Variants in P4HB observed in about 807,000 individuals in gnomAD.
P4HB encodes protein disulfide-isomerase.
P4HB carries 20 observed loss-of-function variants against 52.6 expected under a neutral mutation model. The ratio of observed to expected loss-of-function variants is 0.38; its 90% CI spans 0.27 to 0.55. P4HB has a LOEUF of 0.55. Among genes scored for constraint, P4HB ranks in the 20% least tolerant of loss-of-function variants. P4HB has a pLI of 0.74. For missense variants in P4HB, 601 were observed against 669.2 expected, an observed-to-expected ratio of 0.90 and a Z score of 1.12; for synonymous variants, 296 against 277.9, an observed-to-expected ratio of 1.07 and a Z score of -0.65.
chr17:81,847,248 C>G lies in P4HB; in HGVS notation c.724G>C (p.Glu242Gln). Residue 242 changes from glutamate to glutamine, a missense_variant, in exon 5 of 11, where the codon GAG (glutamate) becomes CAG (glutamine). By Grantham distance (29) the Glu-to-Gln change is conservative. Transcript: ENST00000331483. ...NQLPLVIEFT[E>Q]QTAPKIFGGE... ...GGGCTGCAGGGCAGCCGCACCTGCT[C>G]GGTGAACTCGATGACAAGGGGCAGC... 6.2e-7 allele frequency: 1 copy of G among 1,613,900 alleles called. No individual in the cohort carries two copies. The highest frequency in any genetic ancestry group is 8.5e-7 in the Non-Finnish European group (1 of 1,179,910).
At chr17:81,847,465 T>C (rs2038755072) in intron 4 of P4HB, 118 bp from the exon 5 acceptor site, 1 of 806,138 alleles carries the variant, frequency 1.2e-6, no homozygotes, top group African/African-American at 1.7e-5. Flanking sequence ...CCCGTGGGGT[T>C]TCGAGCCACA....
Position 81,845,866 on chromosome 17 carries a change from C to G in P4HB, c.1177+5G>C. On this transcript the variant is annotated splice_donor_5th_base_variant and intron_variant, in intron 8 of 10. Transcript: ENST00000331483. ...GACCTGGGGAGCTGAAAGGGCAACA[C>G]TTACAGAACTCCACAAAGACGTTTT... The G allele has an allele frequency of 6.2e-7, 1 of 1,614,036 alleles. No individual in the cohort carries two copies. The highest frequency in any genetic ancestry group is 8.5e-7 in the Non-Finnish European group (1 of 1,180,014).
In P4HB at chr17:81,845,735, TG is replaced by T; in HGVS notation, c.1184del (p.Pro395HisfsTer110). The T allele has an allele frequency of 6.2e-7, 1 of 1,612,904 alleles. No individual in the cohort carries two copies. The highest frequency in any genetic ancestry group is 8.5e-7 in the Non-Finnish European group (1 of 1,179,130). ...KKNVFVEFYA[P>X]WCGHCKQLAP... ...CCAACTGTTTGCAGTGACCACACCA[TG>T]GGGCATCTGAAAAGAAAGCAGTTCT... On this transcript the variant is annotated frameshift_variant, in exon 9 of 11. Coordinates refer to ENST00000331483, the MANE Select transcript of P4HB (RefSeq NM_000918.4). LOFTEE classifies it high-confidence loss of function.
At chr17:81,857,634 C>A (rs2038931825) in intron 2 of P4HB, among the ~76,000 whole-genome samples, 1 of 152,218 alleles carries the variant, frequency 6.6e-6, no homozygotes, top group South Asian at 2.1e-4. Flanking sequence ...CCTAACTTAT[C>A]CCAGGCGTTT....
chr17:81,843,663 T>G lies in P4HB; in HGVS notation c.*349A>C. 2.2e-6 allele frequency: 1 copy of G among 447,072 alleles called. No homozygotes were observed. 27.7% of individuals were successfully genotyped at this position (447,072 alleles called of 1,614,324 possible). On this transcript the variant is annotated 3_prime_UTR_variant, in exon 11 of 11. Transcript: ENST00000331483. ...TGTCTAAAAATCCCACAGACGGAAT[T>G]TTCAAAAAGAGGAGAAACCTCCCGC...
At chr17:81,850,396 A>G (rs1343750986) in intron 4 of P4HB, among the ~76,000 whole-genome samples, 1 of 152,098 alleles carries the variant, frequency 6.6e-6, no homozygotes, top group East Asian at 1.9e-4. Context: ...TCGGCCTCCC[A>G]AAGTGCTGGA....
At chr17:81,852,665 G>A (rs1038958616) in intron 4 of P4HB, among the ~76,000 whole-genome samples, 2 of 152,266 alleles carry the variant, frequency 1.3e-5, no homozygotes, top group African/African-American at 4.8e-5. Context: ...CCCAGCTCTA[G>A]TGGACTCCAG....
Position 81,855,522 on chromosome 17 carries a change from G to A in P4HB, c.417C>T (p.Thr139=). 3.1e-6 allele frequency: 5 copies of A among 1,613,986 alleles called. No individual in the cohort carries two copies. Among genetic ancestry groups the A allele is most frequent in the Non-Finnish European group, 4.2e-6 (5 of 1,180,014 alleles). The change falls in exon 3 of 11, where the codon ACC becomes ACT. Residue 139 remains threonine (T), a synonymous_variant. Coordinates refer to ENST00000331483, the MANE Select transcript of P4HB (RefSeq NM_000918.4). This position sits in a 1 kb window ranked among gnomAD's most constrained non-coding sequence, Gnocchi z 4.3. ...LKKRTGPAAT[T]LPDGAAAESL... is the part of the protein sequence containing the mutation. ...ACTCTGCAGCTGCGCCGTCAGGCAG[G>A]GTGGTGGCAGCCGGGCCCGTGCGCT...
intron 10 of P4HB, 140 bp from the exon 11 acceptor site, chr17:81,844,232 C>G: frequency 4.1e-6 from 3 of 738,174 alleles, no homozygotes; most frequent in Non-Finnish European, 2.5e-6. Context: ...GCAGCCAACC[C>G]TGGTCTTTAC....
At position 81,859,302 on chromosome 17, in the gene P4HB, G is replaced by A; in HGVS notation, c.231C>T (p.Ile77=). 6.2e-7 allele frequency: 1 copy of A among 1,614,014 alleles called. No individual in the cohort carries two copies. The highest frequency in any genetic ancestry group is 8.5e-7 in the Non-Finnish European group (1 of 1,180,028). The change falls in exon 2 of 11, where the codon ATC becomes ATT. Residue 77 remains isoleucine (I), a synonymous_variant. Transcript: ENST00000331483. ...CCGTGGCGTCCACCTTGGCCAACCT[G>A]ATCTCGGAACCTTCTGCCTTCAGCT... The part of the protein sequence containing the change: ...AGKLKAEGSE[I]RLAKVDATEE...
At chr17:81,849,712 C>T (rs1408793048) in intron 4 of P4HB, among the ~76,000 whole-genome samples, 3 of 152,192 alleles carry the variant, frequency 2.0e-5, no homozygotes, top group African/African-American at 4.8e-5. Flanking sequence ...GCTGAGGATG[C>T]GGCCTCGGCT....
At chr17:81,853,490 CGTGAACCCG>C (rs201115504) in intron 4 of P4HB, among the ~76,000 whole-genome samples, 3,014 of 151,992 alleles carry the variant, frequency 0.02, 115 homozygotes, top group African/African-American at 0.068. Flanking sequence ...AGGAGAATGG[CGTGAACCCG>C]TGAGGCGGAG....
rs1467141769 is a variant in P4HB, at chr17:81,860,493, G to T, written c.-22C>A. On this transcript the variant is annotated 5_prime_UTR_variant, in exon 1 of 11. Coordinates refer to ENST00000331483, the MANE Select transcript of P4HB (RefSeq NM_000918.4). ...GCATGTCGGACACGGATCAGGCGGG[G>T]CGCTTCGGTTGGCGCCGCCGGGACA... is the stretch of plus-strand genomic sequence containing the variant. 5 of 1,252,902 alleles carry T rather than the reference G, an allele frequency of 4.0e-6. No individual in the cohort carries two copies. The highest frequency in any genetic ancestry group is 3.1e-5 in the African/African-American group (2 of 64,344). 77.6% of individuals were successfully genotyped at this position (1,252,902 alleles called of 1,614,324 possible).
At chr17:81,856,928 G>A (rs991864791) in intron 2 of P4HB, among the ~76,000 whole-genome samples, 3 of 151,992 alleles carry the variant, frequency 2.0e-5, no homozygotes, top group Non-Finnish European at 1.5e-5. Flanking sequence ...GATTACATGC[G>A]TGAGCCACCA....
chr17:81,855,472 G>A lies in P4HB; in HGVS notation c.467C>T (p.Ala156Val). Residue 156 changes from alanine (A) to valine (V), a missense_variant, in exon 3 of 11, where the codon GCT becomes GTT. Physicochemically the swap from Ala to Val is moderately conservative, Grantham distance 64 (BLOSUM62 0). Coordinates refer to ENST00000331483, the MANE Select transcript of P4HB (RefSeq NM_000918.4). This position sits in a 1 kb window ranked among gnomAD's most constrained non-coding sequence, Gnocchi z 4.3. Reference sequence around the variant, plus strand: ...CTCTACCTTGAAGAAGCCGATGACAGCCACCTCGCTGGACTCCACCAAGGA... The same window carrying A: ...CTCTACCTTGAAGAAGCCGATGACAACCACCTCGCTGGACTCCACCAAGGA... ...AESLVESSEV[A>V]VIGFFKDVES... 1 of 1,613,056 alleles carries A rather than the reference G, an allele frequency of 6.2e-7. No individual in the cohort carries two copies. The highest frequency in any genetic ancestry group is 8.5e-7 in the Non-Finnish European group (1 of 1,179,436).
At chr17:81,854,696 G>A (rs943235579) in intron 4 of P4HB, among the ~76,000 whole-genome samples, 1 of 151,948 alleles carries the variant, frequency 6.6e-6, no homozygotes, top group Non-Finnish European at 1.5e-5. Flanking sequence ...ACAAAGATTA[G>A]CTGGGCATGG....
At chr17:81,857,821 G>A (rs1265198589) in intron 2 of P4HB, among the ~76,000 whole-genome samples, 2 of 152,120 alleles carry the variant, frequency 1.3e-5, no homozygotes, top group South Asian at 2.1e-4. Flanking sequence ...TCCCTGGTCC[G>A]AATCGGGAAA....
Position 81,860,397 on chromosome 17 carries a change from G to T in P4HB, c.75C>A (p.His25Gln). The change falls in exon 1 of 11, where the codon CAC (histidine) becomes CAA (glutamine). Residue 25 changes from histidine to glutamine, a missense_variant. His to Gln is a conservative substitution (Grantham distance 24). Coordinates refer to ENST00000331483, the MANE Select transcript of P4HB (RefSeq NM_000918.4). ...VRADAPEEED[H>Q]VLVLRKSNFA... ...AGTTGCTTTTCCGCAGCACCAGGAC[G>T]TGGTCCTCCTCCTCGGGGGCGTCGG... The T allele has an allele frequency of 2.7e-6, 4 of 1,461,694 alleles. No individual in the cohort carries two copies. The highest frequency in any genetic ancestry group is 3.6e-6 in the Non-Finnish European group (4 of 1,105,008). 90.5% of individuals were successfully genotyped at this position (1,461,694 alleles called of 1,614,324 possible). A position where few individuals can be genotyped will look rare whatever the true frequency, so the allele number is the denominator to read the frequency against.
At position 81,845,948 on chromosome 17, in the gene P4HB, T is replaced by A. The variant is rs1489749007; in HGVS notation, c.1100A>T (p.Gln367Leu). 1.2e-6 allele frequency: 2 copies of A among 1,613,238 alleles called. No homozygotes were observed. The highest frequency in any genetic ancestry group is 1.7e-6 in the Non-Finnish European group (2 of 1,179,676). The change falls in exon 8 of 11, where the codon CAG becomes CTG. Residue 367 changes from glutamine (Q) to leucine (L), a missense_variant. By Grantham distance (113) the Gln-to-Leu change is moderately radical (BLOSUM62 -2). Transcript: ENST00000331483. ...SQELPEDWDK[Q>L]PVKVLVGKNF... is the part of the protein sequence containing the mutation. ...CTTCCCAACAAGCACCTTGACAGGCTGCTTGTCCCAGTCCTCCGGCAGCTC... is the reference window on the plus strand; with the variant it reads ...CTTCCCAACAAGCACCTTGACAGGCAGCTTGTCCCAGTCCTCCGGCAGCTC...
Sources: allele counts gnomAD v4.1 joint callset (sites outside exome capture counted in the v4.1 genomes callset), GRCh38; gene constraint gnomAD v4.1.1; non-coding constraint Gnocchi (gnomAD v3.1); transcripts MANE v1.5; gene names NCBI Gene and HGNC (gene_info 2026-07-23, HGNC 2026-07-21).